LMX1A: variants seen among roughly 807,000 people sequenced by gnomAD.
The protein encoded by LMX1A is LIM homeobox transcription factor 1 alpha.
A neutral mutation model predicts 49.1 loss-of-function variants in LMX1A; 15 were observed. The ratio of observed to expected loss-of-function variants is 0.31; its 90% CI spans 0.20 to 0.47. The LOEUF (loss-of-function observed/expected upper bound fraction) is 0.47, where lower values mean the gene tolerates loss of function less well. LMX1A is among the 20% of genes least tolerant of loss of function. The probability of loss-of-function intolerance (pLI) is 1.00; values close to 1 mark genes in which losing one functional copy is unlikely to be tolerated. For missense variants in LMX1A, 372 were observed against 475.8 expected (o/e 0.78, Z 2.03); for synonymous variants, 167 against 185.7 (o/e 0.90, Z 0.82).
chr1:165,227,290 C>A (rs2102617348), intron 4 of LMX1A, among the ~76,000 whole-genome samples: 1 of 152,244 alleles, frequency 6.6e-6, no homozygotes, highest in African/African-American at 2.4e-5. Flanking sequence ...ATAATCCCAG[C>A]ACTTTTGGAG....
Position 165,213,695 on chromosome 1 carries a change from T to C in LMX1A, c.615A>G (p.Gln205=), listed in dbSNP as rs757537147. 6 of 1,614,220 alleles carry C rather than the reference T, an allele frequency of 3.7e-6. No homozygotes were observed. Among genetic ancestry groups the C allele is most frequent in the Non-Finnish European group, 5.1e-6 (6 of 1,180,024 alleles). ...PKRPRTILTT[Q]QRRAFKASFE... is the part of the protein sequence containing the mutation. ...ATGAGGCCTTGAATGCTCGCCTCTGTTGAGTTGTCAAGATGGTTCTCGGAC... is the reference window on the plus strand; with the variant it reads ...ATGAGGCCTTGAATGCTCGCCTCTGCTGAGTTGTCAAGATGGTTCTCGGAC... Residue 205 remains glutamine (Q), a synonymous_variant, in exon 5 of 9, where the codon CAA becomes CAG. Coordinates refer to ENST00000342310, the MANE Select transcript of LMX1A (RefSeq NM_177398.4).
chr1:165,211,224 T>G (rs1651374673), intron 5 of LMX1A: 1 of 152,480 alleles, frequency 6.6e-6, no homozygotes, highest in Admixed American at 6.5e-5. Flanking sequence ...GTTTTGTCCC[T>G]CATATCTCTA....
At chr1:165,289,358 T>G (rs576007720) in intron 3 of LMX1A, among the ~76,000 whole-genome samples, 2 of 152,216 alleles carry the variant, frequency 1.3e-5, no homozygotes, top group South Asian at 4.1e-4. Context: ...ATATGAGCAT[T>G]CTAGCATGTG....
At chr1:165,315,452 T>C (rs1655190317) in intron 3 of LMX1A, among the ~76,000 whole-genome samples, 2 of 152,254 alleles carry the variant, frequency 1.3e-5, no homozygotes, top group South Asian at 4.1e-4. Context: ...GCTTTGTACT[T>C]TGAATACTGG....
intron 3 of LMX1A, among the ~76,000 whole-genome samples, chr1:165,307,597 A>G (rs1654955360): frequency 1.3e-5 from 2 of 152,218 alleles, no homozygotes; most frequent in Admixed American, 6.5e-5. Context: ...TACATGCTAT[A>G]CATATGTGCT....
At chr1:165,356,069 C>T (rs1221320919) in intron 1 of LMX1A, 1 of 154,254 alleles carries the variant, frequency 6.5e-6, no homozygotes, top group Non-Finnish European at 1.4e-5. Context: ...GCGGCCCTCA[C>T]CTGCCCCAGG....
intron 3 of LMX1A, among the ~76,000 whole-genome samples, chr1:165,310,380 C>A (rs2101733127): frequency 6.6e-6 from 1 of 152,310 alleles, no homozygotes; most frequent in East Asian, 1.9e-4. Flanking sequence ...CAAAAAGCAC[C>A]TTCTTTGTCT....
At chr1:165,262,016 A>C (rs185306500) in intron 3 of LMX1A, among the ~76,000 whole-genome samples, 2 of 152,232 alleles carry the variant, frequency 1.3e-5, no homozygotes, top group African/African-American at 4.8e-5. Context: ...TTGAGATGAT[A>C]AATTTCATGT....
intron 4 of LMX1A, among the ~76,000 whole-genome samples, chr1:165,230,304 G>T (rs748924579): frequency 2.6e-5 from 4 of 152,148 alleles, no homozygotes; most frequent in Non-Finnish European, 5.9e-5. Context: ...AAATCTCTCA[G>T]TTTATGTTCT....
chr1:165,206,159 G>T, intron 7 of LMX1A, 125 bp from the exon 8 acceptor site: 1 of 862,216 alleles, frequency 1.2e-6, no homozygotes, highest in Non-Finnish European at 1.7e-6. Context: ...CCCAGCCTTT[G>T]TCCTACCAGA....
chr1:165,287,813 A>G (rs542836860), intron 3 of LMX1A, among the ~76,000 whole-genome samples: 1 of 152,348 alleles, frequency 6.6e-6, no homozygotes, highest in East Asian at 1.9e-4. Flanking sequence ...CTGACGTACT[A>G]TATGCCTTAT....
chr1:165,329,313 T>C (rs60700032), intron 3 of LMX1A, among the ~76,000 whole-genome samples: 5,220 of 152,178 alleles, frequency 0.034, 324 homozygotes, highest in African/African-American at 0.12. Flanking sequence ...GTGGGGATTA[T>C]GGGGATTACA....
chr1:165,321,002 C>G lies in LMX1A; in HGVS notation c.263+32074G>C, dbSNP rs148586158. Among the ~76,000 whole-genome samples, 20 of 152,206 alleles carry G rather than the reference C, an allele frequency of 1.3e-4. No homozygotes were observed. The South Asian group carries it at 1.5e-3, about 11-fold the overall frequency. ...AAGTTAAAACAACCCAAATATCTAC[C>G]AACAGCTGAATGATAAACAAAATGT... On this transcript the variant is annotated intron_variant, in intron 3 of 8. Coordinates refer to ENST00000342310, the MANE Select transcript of LMX1A (RefSeq NM_177398.4).
At chr1:165,354,362 G>A (rs571112214) in intron 2 of LMX1A, among the ~76,000 whole-genome samples, 56 of 152,330 alleles carry the variant, frequency 3.7e-4, no homozygotes, top group African/African-American at 1.2e-3. Context: ...TTTTCTTTCG[G>A]TAGGGTCTCG....
At chr1:165,307,921 A>G (rs1654966846) in intron 3 of LMX1A, among the ~76,000 whole-genome samples, 1 of 152,188 alleles carries the variant, frequency 6.6e-6, no homozygotes, top group South Asian at 2.1e-4. Context: ...GACTGTGTGA[A>G]GGCCACCAAC....
At chr1:165,316,928 T>C (rs1655247492) in intron 3 of LMX1A, among the ~76,000 whole-genome samples, 1 of 152,146 alleles carries the variant, frequency 6.6e-6, no homozygotes, top group Non-Finnish European at 1.5e-5. Flanking sequence ...CATTTTCTGA[T>C]CAGGATCCAG....
chr1:165,208,803 C>G (rs1017250416), intron 6 of LMX1A, among the ~76,000 whole-genome samples: 3 of 152,124 alleles, frequency 2.0e-5, no homozygotes, highest in African/African-American at 4.8e-5. Flanking sequence ...CCCGCCACTA[C>G]GCCTGGCTAA....
Position 165,210,687 on chromosome 1 carries a change from G to A in LMX1A, c.747+12C>T. 6.2e-7 allele frequency: 1 copy of A among 1,603,338 alleles called. No homozygotes were observed. Among genetic ancestry groups the A allele is most frequent in the African/African-American group, 1.3e-5 (1 of 74,802 alleles). On this transcript the variant is annotated intron_variant, in intron 6 of 8. Coordinates refer to ENST00000342310, the MANE Select transcript of LMX1A (RefSeq NM_177398.4). ...GCAACATGGGGACAGATAAAAGTAAGAAGCAGGTTACCTTCGCTCTCTGGT... is the reference window on the plus strand; with the variant it reads ...GCAACATGGGGACAGATAAAAGTAAAAAGCAGGTTACCTTCGCTCTCTGGT...
chr1:165,224,975 G>C (rs985213724), intron 4 of LMX1A, among the ~76,000 whole-genome samples: 40 of 152,204 alleles, frequency 2.6e-4, no homozygotes, highest in African/African-American at 9.2e-4. Context: ...AGACAGGAGA[G>C]CAGGTCATGA....
Sources: gnomAD v4.1 joint callset for allele counts (sites outside exome capture counted in the v4.1 genomes callset) on GRCh38, gnomAD v4.1.1 for gene constraint, MANE v1.5 for transcripts, NCBI Gene and HGNC (gene_info 2026-07-23, HGNC 2026-07-21) for gene names.